The following MYO7B variants were observed in gnomAD, a reference collection of about 807,000 sequenced individuals.
MYO7B encodes myosin VIIB, also known as unconventional myosin-VIIb.
MYO7B carries 212 observed loss-of-function variants against 259.7 expected under a neutral mutation model. The observed-to-expected ratio is 0.82, with a 90% CI of 0.73 to 0.91. MYO7B has a LOEUF of 0.91. Among genes scored for constraint, MYO7B ranks in the 40% least tolerant of loss-of-function variants. MYO7B has a pLI of 0.00. For missense variants in MYO7B, 2,732 were observed against 2,813.5 expected, an observed-to-expected ratio of 0.97 and a Z score of 0.66; for synonymous variants, 1,197 against 1,166.4, an observed-to-expected ratio of 1.03 and a Z score of -0.54.
At position 127,578,265 on chromosome 2, in the gene MYO7B, C is replaced by G. The variant is rs1236681132; in HGVS notation, c.982C>G (p.Leu328Val). The G allele has an allele frequency of 6.2e-7, 1 of 1,613,700 alleles. No individual in the cohort carries two copies. The highest frequency in any genetic ancestry group is 1.7e-5 in the Admixed American group (1 of 59,996). ...CAAGCTGCTGGCTGCCATTCTCCAC[C>G]TGGGGAATGTGGGGTTCATGGGTAA... is the stretch of plus-strand genomic sequence containing the variant. The part of the protein sequence containing the change: ...VIKLLAAILH[L>V]GNVGFMASVF... The change falls in exon 9 of 48, where the codon CTG (leucine) becomes GTG (valine). Residue 328 changes from leucine (L) to valine (V), a missense_variant. Around this residue, in one of 3 missense-constraint regions of MYO7B, gnomAD observed 1,906 missense variants for 2,026.4 expected, o/e 0.94. Transcript: ENST00000409816.
chr2:127,571,315 G>A (rs1449046494), intron 6 of MYO7B, among the ~76,000 whole-genome samples: 7 of 152,016 alleles, frequency 4.6e-5, no homozygotes, highest in African/African-American at 9.7e-5. Context: ...TGGCCCTGAC[G>A]ACTAAGGATG....
Position 127,576,631 on chromosome 2 carries a change from A to T in MYO7B, c.772A>T (p.Met258Leu), listed in dbSNP as rs772592618. The T allele has an allele frequency of 1.4e-5, 23 of 1,610,716 alleles. No individual in the cohort carries two copies. The East Asian group carries it at 4.9e-4, about 34-fold the overall frequency. The change falls in exon 8 of 48, where the codon ATG becomes TTG. Residue 258 changes from methionine to leucine, a missense_variant. By Grantham distance (15) the Met-to-Leu change is conservative. Coordinates refer to ENST00000409816, the MANE Select transcript of MYO7B (RefSeq NM_001393586.1). The surrounding 1 kb of genome is among the most constrained non-coding windows in gnomAD (Gnocchi z 4.9). ...GCGGAACTACCATATCTTCTACTGC[A>T]TGCTCATGGGGGTGAGTGCTGAGGA... ...EERNYHIFYC[M>L]LMGVSAEDKQ...
intron 19 of MYO7B, among the ~76,000 whole-genome samples, chr2:127,598,259 C>T (rs1001133981): frequency 1.3e-5 from 2 of 152,236 alleles, no homozygotes. Context: ...GTCCGTGCAT[C>T]CTCACCAGTA....
rs1300655295 is a variant in MYO7B, at chr2:127,607,412, A to G, written c.2631A>G (p.Gln877=). Residue 877 remains glutamine (Q), a synonymous_variant, in exon 21 of 48, where the codon CAA becomes CAG. Transcript: ENST00000409816. The surrounding 1 kb of genome is among the most constrained non-coding windows in gnomAD (Gnocchi z 4.4). ...RGMAARRNFQ[Q]RKANAPLVIP... is the part of the protein sequence containing the mutation. ...TGGCTGCCCGGCGCAACTTCCAGCA[A>G]AGGAAGGCCAATGTAGGTGGTCACC... 1 of 1,550,980 alleles carries G rather than the reference A, an allele frequency of 6.4e-7. No homozygotes were observed. Among genetic ancestry groups the G allele is most frequent in the South Asian group, 1.2e-5 (1 of 84,038 alleles).
At position 127,627,348 on chromosome 2, in the gene MYO7B, A is replaced by C; in HGVS notation, c.4460+38A>C. On this transcript the variant is annotated intron_variant, in intron 33 of 47. Coordinates refer to ENST00000409816, the MANE Select transcript of MYO7B (RefSeq NM_001393586.1). The surrounding 1 kb of genome is among the most constrained non-coding windows in gnomAD (Gnocchi z 5.6). ...AGGGAAGATCTCTTCTTACACACTG[A>C]GTCCTTGTGATGCATCTGGGGGCTC... is the stretch of plus-strand genomic sequence containing the variant. 2 of 1,580,230 alleles carry C rather than the reference A, an allele frequency of 1.3e-6. No homozygotes were observed. The highest frequency in any genetic ancestry group is 1.7e-6 in the Non-Finnish European group (2 of 1,161,214).
rs548083885 is a variant in MYO7B at position 127,559,511 on chromosome 2, G to A, written c.-23-189G>A. 6.6e-6 allele frequency among the ~76,000 whole-genome samples: 1 copy of A among 152,306 alleles called. No homozygotes were observed. The highest frequency in any genetic ancestry group is 2.4e-5 in the African/African-American group (1 of 41,574). ...AATAAAGGTGACATAGGATGAAGAA[G>A]CTGAGAACAGCTCTTGCACTTGGGC... On this transcript the variant is annotated intron_variant, in intron 1 of 47. Transcript: ENST00000409816. The surrounding 1 kb of genome is among the most constrained non-coding windows in gnomAD (Gnocchi z 4.1).
intron 19 of MYO7B, among the ~76,000 whole-genome samples, chr2:127,598,711 A>C (rs1299580016): frequency 6.6e-6 from 1 of 152,182 alleles, no homozygotes; most frequent in African/African-American, 2.4e-5. Flanking sequence ...AATATGTTAC[A>C]TGTAGGTCCA....
intron 1 of MYO7B, among the ~76,000 whole-genome samples, chr2:127,540,538 A>T (rs1692965234): frequency 6.6e-6 from 1 of 152,210 alleles, no homozygotes; most frequent in South Asian, 2.1e-4. Flanking sequence ...TTCTTTAAGG[A>T]ATATCCCTAC....
intron 1 of MYO7B, among the ~76,000 whole-genome samples, chr2:127,540,004 A>G (rs1178411941): frequency 6.6e-6 from 1 of 152,168 alleles, no homozygotes; most frequent in Admixed American, 6.5e-5. Flanking sequence ...TGCCCAAGAC[A>G]TTATTTCATT....
rs1285412055 is a variant in MYO7B at position 127,624,311 on chromosome 2, C to T, written c.4038C>T (p.Ser1346=). 1 of 1,574,556 alleles carries T rather than the reference C, an allele frequency of 6.4e-7. No individual in the cohort carries two copies. The highest frequency in any genetic ancestry group is 8.6e-7 in the Non-Finnish European group (1 of 1,160,582). The change falls in exon 30 of 48, where the codon AGC becomes AGT. Residue 1346 remains serine (S), a synonymous_variant. Coordinates refer to ENST00000409816, the MANE Select transcript of MYO7B (RefSeq NM_001393586.1). ...GAGGAGTCTGGTCTGGCGAGTACAG[C>T]TTCGAGAAGGTGAGGGGCCTGAGAG... ...VLRGVWSGEY[S]FEKEEELVEL...
chr2:127,596,379 C>G, intron 18 of MYO7B, 83 bp from the exon 19 acceptor site: 1 of 1,145,664 alleles, frequency 8.7e-7, no homozygotes, highest in Non-Finnish European at 1.3e-6. Context: ...GAGATGCTAC[C>G]TTCGGGAGAC....
chr2:127,631,264 C>T lies in MYO7B; in HGVS notation c.4996C>T (p.His1666Tyr), dbSNP rs770026305. ...AVLPLARARG[H>Y]LWAYSCEPLR... ...GCTGCCCCTGGCCCGTGCCCGTGGC[C>T]ACCTGTGGGCCTATTCCTGCGAGCC... is the stretch of plus-strand genomic sequence containing the variant. Residue 1666 changes from histidine to tyrosine, a missense_variant, in exon 37 of 48, where the codon CAC becomes TAC. His to Tyr is a moderately conservative substitution (Grantham distance 83). This residue lies in a region of MYO7B where 821 missense variants were observed against 769.3 expected (regional missense o/e 1.07). Transcript: ENST00000409816. The T allele has an allele frequency of 1.2e-5, 19 of 1,611,300 alleles. No individual in the cohort carries two copies. In the Admixed American group the frequency reaches 3.0e-4, roughly 25 times the overall value.
In MYO7B at chr2:127,590,006, G is replaced by A; in HGVS notation, c.1855-86G>A. The stretch of plus-strand genomic sequence containing the variant: ...TGCACCACCCCACCTGTGGGGCCTT[G>A]GCCGCAACCCTTGCTGGCCTACAGG... On this transcript the variant is annotated intron_variant, in intron 15 of 47. Transcript: ENST00000409816. The surrounding 1 kb of genome is among the most constrained non-coding windows in gnomAD (Gnocchi z 4.6). The A allele has an allele frequency of 6.8e-7, 1 of 1,465,814 alleles. No homozygotes were observed. Among genetic ancestry groups the A allele is most frequent in the Non-Finnish European group, 9.3e-7 (1 of 1,080,486 alleles). The allele number at this position is 1,465,814 out of a possible 1,614,324, so 90.8% of individuals were successfully genotyped here.
At chr2:127,574,207 T>G in intron 7 of MYO7B, 145 bp downstream of exon 7, 1 of 1,071,830 alleles carries the variant, frequency 9.3e-7, no homozygotes, top group Non-Finnish European at 1.3e-6. Context: ...TGAGGGCCCT[T>G]CCCCAGTATT....
In MYO7B at chr2:127,609,172, C is replaced by T. The variant is rs1038946979; in HGVS notation, c.2814+294C>T. On this transcript the variant is annotated intron_variant, in intron 22 of 47. Coordinates refer to ENST00000409816, the MANE Select transcript of MYO7B (RefSeq NM_001393586.1). The surrounding 1 kb of genome is among the most constrained non-coding windows in gnomAD (Gnocchi z 6.9). ...GTATATTTGACCCCACCCGGGCACC[C>T]CCAGAGCACCTTTGAGGCCGCTGCT... is the stretch of plus-strand genomic sequence containing the variant. Among the ~76,000 whole-genome samples, 3 of 152,198 alleles carry T rather than the reference C, an allele frequency of 2.0e-5. No homozygotes were observed. Among genetic ancestry groups the T allele is most frequent in the African/African-American group, 7.2e-5 (3 of 41,454 alleles).
Position 127,582,394 on chromosome 2 carries a change from A to G in MYO7B, c.1291A>G (p.Arg431Gly). The G allele has an allele frequency of 6.2e-7, 1 of 1,613,510 alleles. No homozygotes were observed. The highest frequency in any genetic ancestry group is 8.5e-7 in the Non-Finnish European group (1 of 1,179,748). Residue 431 changes from arginine (R) to glycine (G), a missense_variant, in exon 12 of 48, where the codon AGG becomes GGG. Arg to Gly is a moderately radical substitution (Grantham distance 125, BLOSUM62 -2). Transcript: ENST00000409816. ...AGCCCAGGACCCCAAAAATGTGCGG[A>G]GGGCCATCGGCCTCCTGGACATATT... is the stretch of plus-strand genomic sequence containing the variant. ...PPAQDPKNVR[R>G]AIGLLDIFGF...
intron 24 of MYO7B, 25 bp from the exon 25 acceptor site, chr2:127,612,225 C>T (rs1358903393): frequency 3.4e-6 from 2 of 595,078 alleles, no homozygotes; most frequent in Admixed American, 2.2e-5. Context: ...GCTCACCTTC[C>T]TGCGGGAACT....
In MYO7B at chr2:127,578,313, C is replaced by A. The variant is rs758060737; in HGVS notation, c.1003+27C>A. 1.1e-5 allele frequency: 18 copies of A among 1,612,592 alleles called. No individual in the cohort carries two copies. In the East Asian group the frequency reaches 4.0e-4, roughly 36 times the overall value. On this transcript the variant is annotated intron_variant, in intron 9 of 47. Coordinates refer to ENST00000409816, the MANE Select transcript of MYO7B (RefSeq NM_001393586.1). Reference sequence around the variant, plus strand: ...TAATGCCGGTTCTGCCCCAACTGCACCCTTGGGGAGGGAGAGGGAAGGGGA... The same window carrying A: ...TAATGCCGGTTCTGCCCCAACTGCAACCTTGGGGAGGGAGAGGGAAGGGGA...
chr2:127,542,417 C>A (rs991820219), intron 1 of MYO7B, among the ~76,000 whole-genome samples: 2 of 152,130 alleles, frequency 1.3e-5, no homozygotes, highest in African/African-American at 2.4e-5. Flanking sequence ...GTGTGGGGGC[C>A]CTTTCTGTTG....
Sources: allele counts gnomAD v4.1 joint callset (sites outside exome capture counted in the v4.1 genomes callset), GRCh38; gene constraint gnomAD v4.1.1; regional missense constraint gnomAD v4.1.1; non-coding constraint Gnocchi (gnomAD v3.1); transcripts MANE v1.5; gene names NCBI Gene and HGNC (gene_info 2026-07-23, HGNC 2026-07-21).